RAB27B: variants seen among roughly 807,000 people sequenced by gnomAD.
RAB27B encodes the protein ras-related protein Rab-27B.
In RAB27B, 15 loss-of-function variants were observed where a neutral mutation model predicts 24.6. That is an observed-to-expected ratio of 0.61 (90% CI 0.41 to 0.94). RAB27B has a LOEUF of 0.94. Among genes scored for constraint, RAB27B ranks in the 40% least tolerant of loss-of-function variants. The pLI, the probability that RAB27B is intolerant of heterozygous loss-of-function variation, is 0.00. For missense variants in RAB27B, 261 were observed against 266.8 expected (o/e 0.98, Z 0.15); for synonymous variants, 105 against 92.5 (o/e 1.14, Z -0.78).
At chr18:54,867,601 C>G (rs1163021017) in intron 1 of RAB27B, among the ~76,000 whole-genome samples, 1 of 152,086 alleles carries the variant, frequency 6.6e-6, no homozygotes. Flanking sequence ...CGCGTGCCAC[C>G]AGACCCAGCT....
intron 2 of RAB27B, among the ~76,000 whole-genome samples, chr18:54,734,370 C>G (rs1909826849): frequency 1.3e-5 from 2 of 152,100 alleles, no homozygotes; most frequent in South Asian, 4.1e-4. Flanking sequence ...CTATGAGACT[C>G]TGGAACTGTC....
intron 2 of RAB27B, among the ~76,000 whole-genome samples, chr18:54,778,712 A>G (rs1908793319): frequency 6.6e-6 from 1 of 151,696 alleles, no homozygotes; most frequent in African/African-American, 2.4e-5. Context: ...CTTCCTTTCC[A>G]TTCTTCTTCC....
At chr18:54,816,068 G>A (rs1460799542) in intron 2 of RAB27B, among the ~76,000 whole-genome samples, 2 of 152,252 alleles carry the variant, frequency 1.3e-5, no homozygotes, top group Middle Eastern at 3.4e-3. Flanking sequence ...GTATGTGATG[G>A]CACAAATTCA....
At chr18:54,787,374 C>T (rs1456436504) in intron 2 of RAB27B, among the ~76,000 whole-genome samples, 6 of 152,150 alleles carry the variant, frequency 3.9e-5, no homozygotes, top group Non-Finnish European at 1.5e-5. Flanking sequence ...AATCATTCTC[C>T]AAGTATAACT....
At position 54,882,604 on chromosome 18, in the gene RAB27B, T is replaced by C. The variant is rs539670659; in HGVS notation, c.240-1729T>C. ...TCATGCACAATGTATGAGTGAGTGC[T>C]ATCCAGGCTCAACGAAGGGGTAGGA... is the stretch of plus-strand genomic sequence containing the variant. On this transcript the variant is annotated intron_variant, in intron 3 of 5. Coordinates refer to ENST00000262094, the MANE Select transcript of RAB27B (RefSeq NM_004163.4). Among the ~76,000 whole-genome samples the C allele has an allele frequency of 7.9e-5, 12 of 152,320 alleles. No individual in the cohort carries two copies. In the East Asian group the frequency reaches 2.3e-3, roughly 29 times the overall value.
At chr18:54,835,664 G>C (rs1910866472) in intron 1 of RAB27B, among the ~76,000 whole-genome samples, 1 of 151,976 alleles carries the variant, frequency 6.6e-6, no homozygotes, top group Non-Finnish European at 1.5e-5. Context: ...CATCATGTTT[G>C]AAAAGTCTAT....
At chr18:54,850,495 T>C (rs1019242184) in intron 1 of RAB27B, among the ~76,000 whole-genome samples, 1 of 150,972 alleles carries the variant, frequency 6.6e-6, no homozygotes, top group Non-Finnish European at 1.5e-5. Flanking sequence ...GCCTCCCAAA[T>C]AGCTGGGACT....
chr18:54,765,992 T>C (rs2145059951), intron 2 of RAB27B, among the ~76,000 whole-genome samples: 1 of 152,356 alleles, frequency 6.6e-6, no homozygotes, highest in South Asian at 2.1e-4. Context: ...CATTAATTTC[T>C]TCTAGAAGAA....
chr18:54,845,374 T>G (rs1280923207), intron 1 of RAB27B, among the ~76,000 whole-genome samples: 6 of 132,264 alleles, frequency 4.5e-5, no homozygotes, highest in African/African-American at 1.4e-4. Context: ...GCCACTGCAC[T>G]CCAGCCTGGG....
chr18:54,814,484 T>A (rs569084149), intron 2 of RAB27B, among the ~76,000 whole-genome samples: 38 of 152,286 alleles, frequency 2.5e-4, no homozygotes, highest in South Asian at 1.5e-3. Flanking sequence ...GAAAACATTT[T>A]AAAAAAATTA....
intron 2 of RAB27B, among the ~76,000 whole-genome samples, chr18:54,820,150 G>A (rs1330261355): frequency 1.3e-5 from 2 of 152,124 alleles, no homozygotes; most frequent in African/African-American, 4.8e-5. Context: ...TGGGATAGCT[G>A]GGTCAAATGG....
intron 1 of RAB27B, among the ~76,000 whole-genome samples, chr18:54,858,185 A>G (rs79084693): frequency 3.0e-3 from 460 of 152,342 alleles, no homozygotes; most frequent in Non-Finnish European, 5.2e-3. Flanking sequence ...AAACTCTCTC[A>G]TAGTCACATA....
At chr18:54,814,677 C>T (rs1910068615) in intron 2 of RAB27B, among the ~76,000 whole-genome samples, 1 of 151,882 alleles carries the variant, frequency 6.6e-6, no homozygotes. Flanking sequence ...TTTTATCTTC[C>T]CAACACAAAA....
chr18:54,816,803 T>C (rs1910136083), intron 2 of RAB27B, among the ~76,000 whole-genome samples: 1 of 152,182 alleles, frequency 6.6e-6, no homozygotes, highest in African/African-American at 2.4e-5. Context: ...TGTGATTTAT[T>C]TATTAAAATG....
chr18:54,806,254 T>C (rs2145139582), intron 2 of RAB27B, among the ~76,000 whole-genome samples: 1 of 152,124 alleles, frequency 6.6e-6, no homozygotes, highest in Middle Eastern at 3.4e-3. Context: ...CTGGCTAGTA[T>C]CTGAATCATC....
At chr18:54,781,858 T>C (rs10083909) in intron 2 of RAB27B, among the ~76,000 whole-genome samples, 2,070 of 152,314 alleles carry the variant, frequency 0.014, 44 homozygotes, top group African/African-American at 0.047. Flanking sequence ...ATGTTACATT[T>C]TTCTCAGGGA....
intron 3 of RAB27B, among the ~76,000 whole-genome samples, chr18:54,882,445 C>T (rs1912962903): frequency 6.6e-6 from 1 of 152,156 alleles, no homozygotes; most frequent in Non-Finnish European, 1.5e-5. Flanking sequence ...TAAACAATCG[C>T]AATGGAGCCT....
At chr18:54,728,395 T>G (rs1371612328) in intron 2 of RAB27B, among the ~76,000 whole-genome samples, 2 of 152,144 alleles carry the variant, frequency 1.3e-5, no homozygotes. Flanking sequence ...AAAGACAATC[T>G]CAGACCCTGA....
intron 1 of RAB27B, among the ~76,000 whole-genome samples, chr18:54,867,925 G>A (rs1371156299): frequency 2.0e-5 from 3 of 152,206 alleles, no homozygotes; most frequent in African/African-American, 7.2e-5. Flanking sequence ...AGAAACTGGT[G>A]GCTTCCCGTG....
Sources: gnomAD v4.1 joint callset for allele counts (sites outside exome capture counted in the v4.1 genomes callset) on GRCh38, gnomAD v4.1.1 for gene constraint, MANE v1.5 for transcripts, NCBI Gene and HGNC (gene_info 2026-07-23, HGNC 2026-07-21) for gene names.